DDX19A: variants seen among roughly 807,000 people sequenced by gnomAD.
DDX19A encodes DEAD-box helicase 19A.
Under a neutral mutation model 60.6 loss-of-function variants are expected in DDX19A, and 12 were observed. The ratio of observed to expected loss-of-function variants is 0.20; its 90% CI spans 0.13 to 0.32. DDX19A has a LOEUF of 0.32. DDX19A is among the 10% of genes least tolerant of loss of function. DDX19A has a pLI of 1.00. For synonymous variants in DDX19A, 206 were observed against 218.2 expected, an observed-to-expected ratio of 0.94 and a Z score of 0.49; for missense variants, 337 against 600.6, an observed-to-expected ratio of 0.56 and a Z score of 4.59.
chr16:70,353,632 G>A (rs951492575), intron 2 of DDX19A, among the ~76,000 whole-genome samples: 3 of 152,084 alleles, frequency 2.0e-5, no homozygotes, highest in African/African-American at 7.2e-5. Context: ...CGGGCACAGC[G>A]GCTCATGCTT....
chr16:70,350,700 T>G, intron 2 of DDX19A, 95 bp downstream of exon 2: 1 of 930,370 alleles, frequency 1.1e-6, no homozygotes, highest in Non-Finnish European at 1.7e-6. Context: ...TCATTTCGTG[T>G]AAACTTCAGC....
rs539314354 is a variant in DDX19A at position 70,366,812 on chromosome 16, G to T, written c.971G>T (p.Cys324Phe). ...SSRDEKFQAL[C>F]NLYGAITIAQ... is the part of the protein sequence containing the mutation. ...AGAGACGAGAAGTTCCAGGCCTTGT[G>T]TAACCTCTACGGGGCCATCACCATT... is the stretch of plus-strand genomic sequence containing the variant. The change falls in exon 9 of 12, where the codon TGT becomes TTT. Residue 324 changes from cysteine to phenylalanine, a missense_variant. Coordinates refer to ENST00000302243, the MANE Select transcript of DDX19A (RefSeq NM_018332.5). The T allele has an allele frequency of 6.2e-7, 1 of 1,614,110 alleles. No individual in the cohort carries two copies. The highest frequency in any genetic ancestry group is 8.5e-7 in the Non-Finnish European group (1 of 1,179,962).
Position 70,366,125 on chromosome 16 carries a change from C to T in DDX19A, c.645C>T (p.Gly215=), listed in dbSNP as rs748586550. The T allele has an allele frequency of 1.2e-6, 2 of 1,614,066 alleles. No individual in the cohort carries two copies. Among genetic ancestry groups the T allele is most frequent in the East Asian group, 2.2e-5 (1 of 44,902 alleles). Reference sequence around the variant, plus strand: ...AGATCAGTGAGCAGATTGTCATTGGCACCCCTGGGACCGTGCTGGACTGGT... The same window carrying T: ...AGATCAGTGAGCAGATTGTCATTGGTACCCCTGGGACCGTGCTGGACTGGT... ...GQKISEQIVI[G]TPGTVLDWCS... Residue 215 remains glycine, a synonymous_variant, in exon 8 of 12, where the codon GGC becomes GGT. Coordinates refer to ENST00000302243, the MANE Select transcript of DDX19A (RefSeq NM_018332.5).
At chr16:70,361,383 C>T (rs760584796) in intron 4 of DDX19A, 35 bp from the exon 5 acceptor site, 2 of 1,474,012 alleles carry the variant, frequency 1.4e-6, no homozygotes, top group Admixed American at 1.7e-5. Context: ...ATTCTAACTT[C>T]TAGGCATCCA....
At chr16:70,351,048 T>G (rs1280421391) in intron 2 of DDX19A, among the ~76,000 whole-genome samples, 2 of 150,692 alleles carry the variant, frequency 1.3e-5, no homozygotes, top group Non-Finnish European at 3.0e-5. Context: ...GCTAGTTTTT[T>G]TTTTTTTGTA....
rs749074446 is a variant in DDX19A at position 70,365,099 on chromosome 16, T to G, written c.572T>G (p.Leu191Arg). 6.2e-7 allele frequency: 1 copy of G among 1,614,036 alleles called. No individual in the cohort carries two copies. The highest frequency in any genetic ancestry group is 8.5e-7 in the Non-Finnish European group (1 of 1,179,900). ...CAGATGGGCAAATTTTACCCAGAAC[T>G]GAAGCTTGCCTATGCCGTTCGAGGC... ...IEQMGKFYPE[L>R]KLAYAVRGNK... Residue 191 changes from leucine to arginine, a missense_variant, in exon 7 of 12, where the codon CTG (leucine) becomes CGG (arginine). Leu to Arg is a moderately radical substitution (Grantham distance 102, BLOSUM62 -2). Coordinates refer to ENST00000302243, the MANE Select transcript of DDX19A (RefSeq NM_018332.5).
At chr16:70,351,756 C>T (rs559315553) in intron 2 of DDX19A, among the ~76,000 whole-genome samples, 1 of 151,906 alleles carries the variant, frequency 6.6e-6, no homozygotes, top group African/African-American at 2.4e-5. Context: ...TCTCGATGTC[C>T]TGACCTCGTG....
At chr16:70,354,081 C>T (rs1964113664) in intron 2 of DDX19A, among the ~76,000 whole-genome samples, 1 of 151,346 alleles carries the variant, frequency 6.6e-6, no homozygotes, top group Non-Finnish European at 1.5e-5. Context: ...CTGACATTTG[C>T]AATTTTTGTC....
intron 2 of DDX19A, among the ~76,000 whole-genome samples, chr16:70,353,765 G>A (rs1964098877): frequency 6.6e-6 from 1 of 151,968 alleles, no homozygotes; most frequent in African/African-American, 2.4e-5. Context: ...CCCGGGCATG[G>A]TGGTGCATGC....
chr16:70,356,293 C>A, intron 4 of DDX19A, 46 bp downstream of exon 4: 1 of 1,604,182 alleles, frequency 6.2e-7, no homozygotes, highest in Non-Finnish European at 8.5e-7. Context: ...CAGTCTCTCC[C>A]CACATAAAAC....
chr16:70,364,743 T>C (rs1567655431), intron 6 of DDX19A, 98 bp downstream of exon 6: 1 of 924,770 alleles, frequency 1.1e-6, no homozygotes, highest in Non-Finnish European at 1.7e-6. Flanking sequence ...TTCTGACACC[T>C]TAGGCTGTGG....
At chr16:70,355,359 A>G (rs1262999930) in intron 2 of DDX19A, 126 bp from the exon 3 acceptor site, 7 of 723,732 alleles carry the variant, frequency 9.7e-6, no homozygotes, top group African/African-American at 3.6e-5. Context: ...TTGGGCTACA[A>G]GAGGAAAACT....
chr16:70,361,300 A>AGCCCAAGGCTGGAGTGC (rs1964357952), intron 4 of DDX19A, 118 bp from the exon 5 acceptor site: 1 of 801,416 alleles, frequency 1.2e-6, no homozygotes, highest in Non-Finnish European at 2.1e-6. Context: ...AGGCATAGGA[A>AGCCCAAGGCTGGAGTGC]AATACGTCTG....
chr16:70,372,953 C>T lies in DDX19A; in HGVS notation c.*967C>T, dbSNP rs1246896350. 1 of 152,228 alleles carries T rather than the reference C, an allele frequency of 6.6e-6. No individual in the cohort carries two copies. The highest frequency in any genetic ancestry group is 6.5e-5 in the Admixed American group (1 of 15,280). 9.4% of individuals were successfully genotyped at this position (152,228 alleles called of 1,614,324 possible). On this transcript the variant is annotated 3_prime_UTR_variant, in exon 12 of 12. Transcript: ENST00000302243. The stretch of plus-strand genomic sequence containing the variant: ...CATAATATGAATAAGGATGGATAGG[C>T]CGGGCGTGGTGGCTCATGCCTATAA...
intron 7 of DDX19A, 85 bp from the exon 8 acceptor site, chr16:70,366,000 A>G (rs770052125): frequency 6.3e-7 from 1 of 1,594,344 alleles, no homozygotes; most frequent in Non-Finnish European, 8.6e-7. Flanking sequence ...TTGTTCTCCT[A>G]GTCCTAGAAG....
chr16:70,354,882 G>C (rs1469660618), intron 2 of DDX19A, among the ~76,000 whole-genome samples: 1 of 152,038 alleles, frequency 6.6e-6, no homozygotes, highest in Non-Finnish European at 1.5e-5. Flanking sequence ...TGCACCTGTA[G>C]TCCCAGCTAA....
chr16:70,364,712 G>C (rs1362018973), intron 6 of DDX19A, 67 bp downstream of exon 6: 1 of 1,187,280 alleles, frequency 8.4e-7, no homozygotes. Context: ...ATCTGGTGAG[G>C]AGTAACGAGA....
At position 70,355,520 on chromosome 16, in the gene DDX19A, G is replaced by C. The variant is rs1964159233; in HGVS notation, c.142G>C (p.Asp48His). The C allele has an allele frequency of 1.2e-6, 2 of 1,613,988 alleles. No individual in the cohort carries two copies. Among genetic ancestry groups the C allele is most frequent in the Middle Eastern group, 1.7e-4 (1 of 6,060 alleles). The change falls in exon 3 of 12, where the codon GAT becomes CAT. Residue 48 changes from aspartate (D) to histidine (H), a missense_variant. Around this residue, in one of 6 missense-constraint regions of DDX19A, gnomAD observed 127 missense variants for 160.3 expected, o/e 0.79. Coordinates refer to ENST00000302243, the MANE Select transcript of DDX19A (RefSeq NM_018332.5). ...IKTSTTAEKT[D>H]EEEKEDRAAQ... ...AACCAGTACCACTGCCGAGAAAACA[G>C]ATGAAGAGGAGAAAGGTAACTACTT...
intron 10 of DDX19A, chr16:70,371,001 TAAAA>T (rs781753370): frequency 6.3e-6 from 2 of 318,866 alleles, no homozygotes; most frequent in African/African-American, 2.2e-5. Context: ...GTCTCAAAAA[TAAAA>T]AAAGAAAGAA....
Sources: gnomAD v4.1 joint callset for allele counts (sites outside exome capture counted in the v4.1 genomes callset) on GRCh38, gnomAD v4.1.1 for gene constraint, gnomAD v4.1.1 regional missense constraint, MANE v1.5 for transcripts, NCBI Gene and HGNC (gene_info 2026-07-23, HGNC 2026-07-21) for gene names.